TULP4: variants seen among roughly 807,000 people sequenced by gnomAD.
The protein encoded by TULP4 is TUB like protein 4.
In TULP4, 16 loss-of-function variants were observed where a neutral mutation model predicts 129.0. The ratio of observed to expected loss-of-function variants is 0.12; its 90% confidence interval spans 0.08 to 0.19. TULP4 has a LOEUF of 0.19. TULP4 is among the 10% of genes least tolerant of loss of function. TULP4 has a pLI of 1.00. For synonymous variants in TULP4, 998 were observed against 854.0 expected (o/e 1.17, Z -2.94); for missense variants, 1,842 against 2,059.1 (o/e 0.89, Z 2.04).
rs368356995 is a variant in TULP4 at position 158,506,422 on chromosome 6, G to T, written c.4516-156G>T. Among the ~76,000 whole-genome samples the T allele has an allele frequency of 2.6e-4, 40 of 151,860 alleles. 2 individuals are homozygous for T. The highest frequency in any genetic ancestry group is 9.4e-4 in the African/African-American group (39 of 41,418). ...AATTTTTTGTATTTTTAATAGAGAC[G>T]GGGTTTCACCGTGTTAGCCAGGGTG... On this transcript the variant is annotated intron_variant, in intron 13 of 13. Coordinates refer to ENST00000367097, the MANE Select transcript of TULP4 (RefSeq NM_020245.5).
chr6:158,335,323 G>C (rs1780009572), intron 1 of TULP4, among the ~76,000 whole-genome samples: 1 of 151,692 alleles, frequency 6.6e-6, no homozygotes, highest in Admixed American at 6.6e-5. Context: ...CCCAGTCTCA[G>C]GTACTTTGTT....
At chr6:158,265,968 T>C (rs1025229846) in intron 1 of TULP4, among the ~76,000 whole-genome samples, 1 of 152,224 alleles carries the variant, frequency 6.6e-6, no homozygotes, top group Non-Finnish European at 1.5e-5. Context: ...TTTTTGGTAT[T>C]ATACTTACTG....
chr6:158,429,493 T>C (rs1467393483), intron 2 of TULP4, among the ~76,000 whole-genome samples: 1 of 152,226 alleles, frequency 6.6e-6, no homozygotes, highest in Non-Finnish European at 1.5e-5. Flanking sequence ...TTGTCTAGGC[T>C]GGGCTCGAAC....
intron 1 of TULP4, among the ~76,000 whole-genome samples, chr6:158,265,303 T>C (rs1350594074): frequency 6.6e-6 from 1 of 152,142 alleles, no homozygotes; most frequent in African/African-American, 2.4e-5. Context: ...AAATAAATTT[T>C]ATTTTATGAC....
In TULP4 at chr6:158,313,389, G is replaced by A. The variant is rs994654450; in HGVS notation, c.-628G>A. The A allele has an allele frequency of 3.8e-5, 15 of 398,410 alleles. No individual in the cohort carries two copies. The highest frequency in any genetic ancestry group is 1.8e-4 in the African/African-American group (9 of 48,702). The allele number at this position is 398,410 out of a possible 1,614,324, so 24.7% of individuals were successfully genotyped here. ...GCACAAACTCTGGTCTGTTTTGCAC[G>A]GTTTGTGTGCCTTTTTTTCCCTTTA... On this transcript the variant is annotated 5_prime_UTR_variant, in exon 1 of 14. Transcript: ENST00000367097.
upstream of TULP4, among the ~76,000 whole-genome samples, chr6:158,308,941 A>C (rs867114893): frequency 0.071 from 2,485 of 35,194 alleles, 2 homozygotes; most frequent in Non-Finnish European, 0.09. Context: ...GGGCTGACCC[A>C]CCCACCTCCC....
chr6:158,323,219 T>C (rs1443795420), intron 1 of TULP4, among the ~76,000 whole-genome samples: 1 of 152,182 alleles, frequency 6.6e-6, no homozygotes, highest in African/African-American at 2.4e-5. Flanking sequence ...TTGACTATAC[T>C]GTGAAATGTT....
At chr6:158,355,632 G>A (rs1011700680) in intron 1 of TULP4, among the ~76,000 whole-genome samples, 3 of 152,206 alleles carry the variant, frequency 2.0e-5, no homozygotes, top group African/African-American at 7.2e-5. Context: ...GGCAAAAAGG[G>A]TGGGCTCAGG....
chr6:158,503,662 T>C lies in TULP4; in HGVS notation c.3999T>C (p.Phe1333=), dbSNP rs1221521061. The stretch of plus-strand genomic sequence containing the variant: ...CAGTCCCCCAGCGGACAGAAAAATT[T>C]GGAAAGAAGAACCGGAAGCGCCTGG... ...ESPVPQRTEK[F]GKKNRKRLDS... The change falls in exon 13 of 14, where the codon TTT becomes TTC. Residue 1333 remains phenylalanine (F), a synonymous_variant. Coordinates refer to ENST00000367097, the MANE Select transcript of TULP4 (RefSeq NM_020245.5). The surrounding 1 kb of genome is among the most constrained non-coding windows in gnomAD (Gnocchi z 4.3). The C allele has an allele frequency of 1.2e-6, 2 of 1,613,700 alleles. No individual in the cohort carries two copies. The highest frequency in any genetic ancestry group is 1.7e-6 in the Non-Finnish European group (2 of 1,179,996).
intron 1 of TULP4, among the ~76,000 whole-genome samples, chr6:158,298,131 G>A (rs1011083060): frequency 6.6e-6 from 1 of 151,372 alleles, no homozygotes; most frequent in Non-Finnish European, 1.5e-5. Context: ...GCCTGACCCC[G>A]CAGGCAGTCA....
chr6:158,322,992 T>G (rs1484529843), intron 1 of TULP4, among the ~76,000 whole-genome samples: 1 of 152,180 alleles, frequency 6.6e-6, no homozygotes, highest in Non-Finnish European at 1.5e-5. Flanking sequence ...CTTTTCTCAG[T>G]GGTGCAAGAA....
chr6:158,356,782 G>T (rs1276600569), intron 1 of TULP4, among the ~76,000 whole-genome samples: 1 of 152,124 alleles, frequency 6.6e-6, no homozygotes, highest in Non-Finnish European at 1.5e-5. Context: ...CCAAGGTGAT[G>T]AAACAGAGGG....
At chr6:158,272,024 T>A (rs562128385) in intron 1 of TULP4, among the ~76,000 whole-genome samples, 1 of 151,840 alleles carries the variant, frequency 6.6e-6, no homozygotes, top group Non-Finnish European at 1.5e-5. Context: ...AATGTATGAG[T>A]GAATTTAGGG....
At position 158,409,110 on chromosome 6, in the gene TULP4, A is replaced by C. The variant is rs140429674; in HGVS notation, c.253-3955A>C. ...AGATGAACGTCCTTGGGATGGGCAAAGTGATGCTTGTTTTGCCTTCCCTAA... is the reference window on the plus strand; with the variant it reads ...AGATGAACGTCCTTGGGATGGGCAACGTGATGCTTGTTTTGCCTTCCCTAA... On this transcript the variant is annotated intron_variant, in intron 1 of 13. Transcript: ENST00000367097. 3.9e-5 allele frequency among the ~76,000 whole-genome samples: 6 copies of C among 152,270 alleles called. No individual in the cohort carries two copies. In the East Asian group the frequency reaches 1.2e-3, roughly 29 times the overall value.
chr6:158,486,612 G>C (rs1780076893), intron 8 of TULP4, among the ~76,000 whole-genome samples: 1 of 152,078 alleles, frequency 6.6e-6, no homozygotes, highest in Non-Finnish European at 1.5e-5. Flanking sequence ...GAGGCCACCT[G>C]CAAGCCAGGA....
chr6:158,242,286 T>A, intron 1 of TULP4: 3 of 1,462,300 alleles, frequency 2.1e-6, no homozygotes, highest in Middle Eastern at 4.6e-4. Context: ...ATGCAGTGTT[T>A]AGCACAGCTC....
At chr6:158,443,737 A>G (rs1183872328) in intron 3 of TULP4, among the ~76,000 whole-genome samples, 1 of 152,090 alleles carries the variant, frequency 6.6e-6, no homozygotes, top group African/African-American at 2.4e-5. Flanking sequence ...AGTGATTGTT[A>G]TAGTCAACTG....
intron 1 of TULP4, among the ~76,000 whole-genome samples, chr6:158,388,037 T>A (rs1777490479): frequency 6.6e-6 from 1 of 152,210 alleles, no homozygotes; most frequent in African/African-American, 2.4e-5. Context: ...GTAGAACAGC[T>A]AATCAGTTCT....
chr6:158,480,032 G>A, intron 7 of TULP4, 57 bp downstream of exon 7: 1 of 1,401,966 alleles, frequency 7.1e-7, no homozygotes, highest in East Asian at 2.3e-5. Flanking sequence ...GCTCCCCACA[G>A]AGCCAGGGCA....
Sources: gnomAD v4.1 joint callset for allele counts (sites outside exome capture counted in the v4.1 genomes callset) on GRCh38, gnomAD v4.1.1 for gene constraint, Gnocchi (gnomAD v3.1) non-coding constraint, MANE v1.5 for transcripts, NCBI Gene and HGNC (gene_info 2026-07-23, HGNC 2026-07-21) for gene names.